The following RBFOX1 variants were observed in gnomAD, a reference collection of about 807,000 sequenced individuals.
RBFOX1 encodes the protein RNA binding fox-1 homolog 1.
In RBFOX1, 8 loss-of-function variants were observed where a neutral mutation model predicts 57.7. That is an observed-to-expected ratio of 0.14 (90% CI 0.08 to 0.25). RBFOX1 has a LOEUF of 0.25. Among genes scored for constraint, RBFOX1 ranks in the 10% least tolerant of loss-of-function variants. The pLI is 1.00. For synonymous variants in RBFOX1, 326 were observed against 222.4 expected, an observed-to-expected ratio of 1.47 and a Z score of -4.15; for missense variants, 611 against 548.5, an observed-to-expected ratio of 1.11 and a Z score of -1.14.
chr16:7,121,626 A>G (rs1040140009), intron 4 of RBFOX1, among the ~76,000 whole-genome samples: 2 of 152,098 alleles, frequency 1.3e-5, no homozygotes, highest in Non-Finnish European at 2.9e-5. Context: ...AATTCTGTAC[A>G]AATTGGTGTA....
intron 3 of RBFOX1, among the ~76,000 whole-genome samples, chr16:6,914,820 C>G (rs951847537): frequency 2.6e-5 from 4 of 152,192 alleles, no homozygotes; most frequent in Non-Finnish European, 5.9e-5. Context: ...CCCAGGAGTT[C>G]AAGGCTGCAC....
At chr16:7,399,130 T>G (rs761008323) in intron 4 of RBFOX1, among the ~76,000 whole-genome samples, 24 of 152,230 alleles carry the variant, frequency 1.6e-4, no homozygotes, top group Non-Finnish European at 2.8e-4. Flanking sequence ...GAATCCAACA[T>G]GAAAGTTGAA....
intron 2 of RBFOX1, among the ~76,000 whole-genome samples, chr16:6,640,179 A>G (rs919538009): frequency 2.0e-5 from 3 of 152,200 alleles, no homozygotes; most frequent in African/African-American, 7.2e-5. Context: ...AATGCAGCTT[A>G]TTGAATTTTC....
intron 1 of RBFOX1, among the ~76,000 whole-genome samples, chr16:5,264,548 T>C (rs2062812752): frequency 6.6e-6 from 1 of 152,232 alleles, no homozygotes; most frequent in Non-Finnish European, 1.5e-5. Context: ...TTGTTCTTTA[T>C]TGTAAAAGTG....
chr16:7,576,150 C>A (rs1021779071), intron 5 of RBFOX1, among the ~76,000 whole-genome samples: 2 of 151,310 alleles, frequency 1.3e-5, no homozygotes, highest in South Asian at 2.1e-4. Flanking sequence ...ATGTTGCAGG[C>A]TGGTGTCAAA....
At chr16:5,532,020 G>A (rs890554095) in intron 2 of RBFOX1, among the ~76,000 whole-genome samples, 5 of 152,120 alleles carry the variant, frequency 3.3e-5, no homozygotes, top group African/African-American at 7.2e-5. Flanking sequence ...GGCTGATCTT[G>A]AACTCCTGAT....
At chr16:5,731,491 C>T (rs2052372196) in intron 3 of RBFOX1, among the ~76,000 whole-genome samples, 1 of 152,174 alleles carries the variant, frequency 6.6e-6, no homozygotes. Context: ...AGAAGACACA[C>T]CCAGATGAGT....
chr16:5,639,504 A>G (rs567431327), intron 3 of RBFOX1, among the ~76,000 whole-genome samples: 1 of 152,220 alleles, frequency 6.6e-6, no homozygotes, highest in Admixed American at 6.5e-5. Context: ...ATGTTCCTAC[A>G]TAACACTAGT....
chr16:7,365,607 A>G, intron 4 of RBFOX1, among the ~76,000 whole-genome samples: 1 of 152,230 alleles, frequency 6.6e-6, no homozygotes, highest in Non-Finnish European at 1.5e-5. Flanking sequence ...AACATTTGCC[A>G]AGGCACAGAA....
chr16:5,245,178 A>G (rs181901970), intron 1 of RBFOX1, among the ~76,000 whole-genome samples: 1 of 152,160 alleles, frequency 6.6e-6, no homozygotes, highest in East Asian at 1.9e-4. Flanking sequence ...GATGGTGTTG[A>G]TGTGTGGAGT....
At chr16:5,705,784 G>A (rs534018004) in intron 3 of RBFOX1, among the ~76,000 whole-genome samples, 7 of 152,304 alleles carry the variant, frequency 4.6e-5, no homozygotes, top group South Asian at 4.2e-4. Context: ...CTGGGATACC[G>A]CATCTGTGTG....
intron 1 of RBFOX1, among the ~76,000 whole-genome samples, chr16:5,443,050 C>T (rs1303444260): frequency 6.6e-6 from 1 of 152,114 alleles, no homozygotes; most frequent in Non-Finnish European, 1.5e-5. Flanking sequence ...CTGAAAGAGG[C>T]AAGGAACAGT....
chr16:6,439,120 C>T (rs2094311678), intron 2 of RBFOX1, among the ~76,000 whole-genome samples: 1 of 152,116 alleles, frequency 6.6e-6, no homozygotes, highest in Admixed American at 6.5e-5. Flanking sequence ...TCAAGGGCAG[C>T]TGGATCCCAC....
chr16:7,056,017 T>G (rs1299648564), intron 4 of RBFOX1, among the ~76,000 whole-genome samples: 1 of 152,214 alleles, frequency 6.6e-6, no homozygotes, highest in African/African-American at 2.4e-5. Flanking sequence ...TCTACCCATC[T>G]TGGCATTGTC....
intron 3 of RBFOX1, among the ~76,000 whole-genome samples, chr16:5,668,490 A>G (rs11647901): frequency 0.66 from 100,920 of 151,988 alleles, 33,962 homozygotes; most frequent in Non-Finnish European, 0.73. Flanking sequence ...AACCACTGGC[A>G]CTGCTGGAAA....
chr16:6,799,454 G>C (rs1421723138), intron 3 of RBFOX1, among the ~76,000 whole-genome samples: 1 of 152,184 alleles, frequency 6.6e-6, no homozygotes, highest in African/African-American at 2.4e-5. Context: ...GGAGTTCCCA[G>C]AGCCATTCAT....
At chr16:6,434,335 A>G (rs35200484) in intron 2 of RBFOX1, among the ~76,000 whole-genome samples, 7 of 152,086 alleles carry the variant, frequency 4.6e-5, no homozygotes, top group Non-Finnish European at 7.4e-5. Context: ...TACATCTCCA[A>G]TGGCCAAGGC....
At chr16:7,519,878 G>T (rs2077152182) in intron 5 of RBFOX1, 2 of 261,938 alleles carry the variant, frequency 7.6e-6, no homozygotes, top group Non-Finnish European at 1.1e-5. Flanking sequence ...TTGACGTTTT[G>T]TTTTTGTTTT....
rs558593169 is a variant in RBFOX1 at position 7,538,515 on chromosome 16, A to G, written c.270+20126A>G. Among the ~76,000 whole-genome samples, 17 of 152,328 alleles carry G rather than the reference A, an allele frequency of 1.1e-4. No homozygotes were observed. The South Asian group carries it at 3.5e-3, about 32-fold the overall frequency. ...TTATTTGTTGAGTGCTTACTGTGTA[A>G]CTGGCACCGAAGATTGAGGAACAGA... On this transcript the variant is annotated intron_variant, in intron 5 of 15. Coordinates refer to ENST00000550418, the MANE Select transcript of RBFOX1 (RefSeq NM_018723.4).
Sources: gnomAD v4.1 joint callset for allele counts (sites outside exome capture counted in the v4.1 genomes callset) on GRCh38, gnomAD v4.1.1 for gene constraint, MANE v1.5 for transcripts, NCBI Gene and HGNC (gene_info 2026-07-23, HGNC 2026-07-21) for gene names.